Variants in TBC1D32 observed in about 807,000 individuals in gnomAD.
The protein encoded by TBC1D32 is TBC1 domain family member 32.
Under a neutral mutation model 170.3 loss-of-function variants are expected in TBC1D32, and 151 were observed. The observed-to-expected ratio is 0.89, with a 90% CI of 0.78 to 1.01. TBC1D32 has a LOEUF of 1.01. TBC1D32 is among the 50% of genes least tolerant of loss of function. The pLI is 0.00. For missense variants in TBC1D32, 1,464 were observed against 1,457.1 expected (o/e 1.00, Z -0.08); for synonymous variants, 498 against 488.0 (o/e 1.02, Z -0.27).
intron 9 of TBC1D32, among the ~76,000 whole-genome samples, chr6:121,302,106 A>G (rs1806579799): frequency 6.6e-6 from 1 of 152,140 alleles, no homozygotes; most frequent in South Asian, 2.1e-4. Context: ...AATATTGACC[A>G]TGTTCTGAAA....
At chr6:121,192,072 A>ATATAG (rs1448270550) in intron 22 of TBC1D32, among the ~76,000 whole-genome samples, 2,497 of 139,120 alleles carry the variant, frequency 0.018, 94 homozygotes, top group South Asian at 0.04. Flanking sequence ...CCCTTTATAT[A>ATATAG]TATATATATA....
chr6:121,086,581 G>A (rs1256696067), intron 31 of TBC1D32, among the ~76,000 whole-genome samples: 1 of 152,062 alleles, frequency 6.6e-6, no homozygotes, highest in African/African-American at 2.4e-5. Context: ...AAATTAATCT[G>A]ATTTTTTCAT....
chr6:121,161,564 T>A (rs1418756867), intron 22 of TBC1D32, among the ~76,000 whole-genome samples: 3 of 152,220 alleles, frequency 2.0e-5, no homozygotes, highest in Admixed American at 2.0e-4. Context: ...ACATGCTGTA[T>A]ATGTATCACA....
chr6:121,312,898 C>T (rs1808417817), intron 3 of TBC1D32, among the ~76,000 whole-genome samples: 1 of 152,144 alleles, frequency 6.6e-6, no homozygotes, highest in Non-Finnish European at 1.5e-5. Flanking sequence ...TTTCTGAGGA[C>T]TCCCTACTCT....
chr6:121,118,840 T>C (rs1779954939), intron 26 of TBC1D32, among the ~76,000 whole-genome samples: 1 of 152,202 alleles, frequency 6.6e-6, no homozygotes, highest in Admixed American at 6.6e-5. Context: ...ATGCATTTTA[T>C]TCAGTTCTTA....
intron 17 of TBC1D32, among the ~76,000 whole-genome samples, chr6:121,251,847 G>C (rs2128386005): frequency 6.6e-6 from 1 of 152,060 alleles, no homozygotes; most frequent in East Asian, 1.9e-4. Context: ...AGCAACTTAA[G>C]GAAATTTACA....
chr6:121,208,071 T>A (rs1442665184), intron 21 of TBC1D32, among the ~76,000 whole-genome samples: 1 of 151,238 alleles, frequency 6.6e-6, no homozygotes, highest in East Asian at 2.0e-4. Context: ...CTGTTTGGGG[T>A]TTTAGAGAGT....
At position 121,255,376 on chromosome 6, in the gene TBC1D32, A is replaced by G. The variant is rs938603866; in HGVS notation, c.1970T>C (p.Val657Ala). ...TGAAGAAACAGAATCAGAACCCTCT[A>G]CTGGAGTAGGAATTCTTTCTGATAG... ...SLLSERIPTP[V>A]EGSDSVSSVS... The change falls in exon 17 of 32, where the codon GTA (valine) becomes GCA (alanine). Residue 657 changes from valine to alanine, a missense_variant. Transcript: ENST00000398212. 2 of 1,546,358 alleles carry G rather than the reference A, an allele frequency of 1.3e-6. No homozygotes were observed. Among genetic ancestry groups the G allele is most frequent in the African/African-American group, 2.7e-5 (2 of 73,014 alleles).
At chr6:121,216,769 T>A (rs767563440) in intron 21 of TBC1D32, among the ~76,000 whole-genome samples, 1 of 152,182 alleles carries the variant, frequency 6.6e-6, no homozygotes, top group Non-Finnish European at 1.5e-5. Flanking sequence ...AGATTCTGTC[T>A]CCTGGCTTCA....
chr6:121,294,750 T>C (rs1282359430), intron 10 of TBC1D32, 90 bp from the exon 11 acceptor site: 1 of 1,018,144 alleles, frequency 9.8e-7, no homozygotes. Context: ...AAAAATACTT[T>C]GGAGAAATAT....
At chr6:121,259,958 G>C (rs937446747) in intron 15 of TBC1D32, among the ~76,000 whole-genome samples, 11 of 152,044 alleles carry the variant, frequency 7.2e-5, no homozygotes, top group African/African-American at 2.2e-4. Flanking sequence ...GGATTCAATC[G>C]AAGTTTATAT....
intron 14 of TBC1D32, 103 bp downstream of exon 14, chr6:121,281,441 G>A: frequency 1.2e-6 from 1 of 847,084 alleles, no homozygotes; most frequent in South Asian, 2.0e-5. Context: ...ATATATGGAA[G>A]GACAGCATAA....
intron 24 of TBC1D32, among the ~76,000 whole-genome samples, chr6:121,137,720 A>G (rs1421276348): frequency 6.6e-6 from 1 of 151,968 alleles, no homozygotes; most frequent in Non-Finnish European, 1.5e-5. Context: ...TAAGATTATT[A>G]TAGATGATGT....
chr6:121,194,346 T>C (rs1218227622), intron 22 of TBC1D32, among the ~76,000 whole-genome samples: 1 of 152,200 alleles, frequency 6.6e-6, no homozygotes, highest in African/African-American at 2.4e-5. Flanking sequence ...CCATTAGAGC[T>C]GCCTCTACCT....
At chr6:121,111,343 T>A (rs531222354) in intron 29 of TBC1D32, among the ~76,000 whole-genome samples, 1 of 152,208 alleles carries the variant, frequency 6.6e-6, no homozygotes, top group Non-Finnish European at 1.5e-5. Context: ...TTAAGACTAG[T>A]GGAATGTAGA....
At chr6:121,305,687 T>C (rs974063754) in intron 5 of TBC1D32, among the ~76,000 whole-genome samples, 1 of 152,082 alleles carries the variant, frequency 6.6e-6, no homozygotes, top group African/African-American at 2.4e-5. Context: ...ATTTTTATAG[T>C]TGCAGCAACT....
chr6:121,114,427 C>T (rs2128199855), intron 27 of TBC1D32, among the ~76,000 whole-genome samples: 1 of 152,144 alleles, frequency 6.6e-6, no homozygotes, highest in Admixed American at 6.6e-5. Flanking sequence ...TTCAGAATAG[C>T]AATAGGGCAT....
intron 25 of TBC1D32, among the ~76,000 whole-genome samples, chr6:121,128,837 T>C (rs1459416946): frequency 3.3e-5 from 5 of 152,136 alleles, no homozygotes; most frequent in African/African-American, 1.2e-4. Context: ...TCCCTGAAAA[T>C]TTCTTACGTT....
intron 15 of TBC1D32, among the ~76,000 whole-genome samples, chr6:121,273,035 C>G (rs111964909): frequency 0.019 from 2,882 of 152,076 alleles, 104 homozygotes; most frequent in African/African-American, 0.066. Flanking sequence ...TGCATGTTCT[C>G]ACTCATAGGT....
Sources: gnomAD v4.1 joint callset for allele counts (sites outside exome capture counted in the v4.1 genomes callset) on GRCh38, gnomAD v4.1.1 for gene constraint, MANE v1.5 for transcripts, NCBI Gene and HGNC (gene_info 2026-07-23, HGNC 2026-07-21) for gene names.